The following UBAP2L variants were observed in gnomAD, a reference collection of about 807,000 sequenced individuals.
UBAP2L encodes ubiquitin-associated protein 2-like.
A neutral mutation model predicts 130.6 loss-of-function variants in UBAP2L; 12 were observed. That is an observed-to-expected ratio of 0.09 (90% CI 0.06 to 0.15). The LOEUF (loss-of-function observed/expected upper bound fraction) is 0.15. Among genes scored for constraint, UBAP2L ranks in the 10% least tolerant of loss-of-function variants. The probability of loss-of-function intolerance (pLI) is 1.00; values close to 1 mark genes in which losing one functional copy is unlikely to be tolerated. For synonymous variants in UBAP2L, 503 were observed against 524.7 expected (o/e 0.96, Z 0.57); for missense variants, 965 against 1,332.5 (o/e 0.72, Z 4.29).
At chr1:154,225,730 A>G (rs912899499) in intron 2 of UBAP2L, among the ~76,000 whole-genome samples, 3 of 152,166 alleles carry the variant, frequency 2.0e-5, no homozygotes, top group Non-Finnish European at 2.9e-5. Flanking sequence ...GCCCGGCTCT[A>G]TAACTCTTAA....
chr1:154,220,485 C>T, upstream of UBAP2L: 2 of 1,557,950 alleles, frequency 1.3e-6, no homozygotes, highest in South Asian at 1.1e-5. Flanking sequence ...GCCGAAGCGA[C>T]GGCGCCTGGG....
chr1:154,220,422 G>A (rs1665501085), upstream of UBAP2L: 1 of 1,614,176 alleles, frequency 6.2e-7, no homozygotes, highest in Middle Eastern at 1.6e-4. Flanking sequence ...TCCCTACCTC[G>A]CGCAGAATTG....
chr1:154,250,984 C>A, intron 12 of UBAP2L, 57 bp from the exon 13 acceptor site: 1 of 1,544,354 alleles, frequency 6.5e-7, no homozygotes. Flanking sequence ...AGGACAATAG[C>A]ATTTCCTTGA....
chr1:154,259,143 G>A, intron 21 of UBAP2L, 113 bp downstream of exon 21: 3 of 924,432 alleles, frequency 3.2e-6, no homozygotes, highest in Non-Finnish European at 3.4e-6. Flanking sequence ...CATACACTCT[G>A]ATTTAAGGCA....
intron 9 of UBAP2L, chr1:154,241,881 A>G: frequency 2.0e-6 from 1 of 508,688 alleles, no homozygotes; most frequent in Non-Finnish European, 2.5e-6. Context: ...TTAGGCAGGT[A>G]GTGCATTGAG....
intron 11 of UBAP2L, among the ~76,000 whole-genome samples, chr1:154,248,848 C>T (rs1676542747): frequency 6.6e-6 from 1 of 152,068 alleles, no homozygotes; most frequent in African/African-American, 2.4e-5. Flanking sequence ...ATTCTCCAGT[C>T]AGCCAAATTT....
At chr1:154,230,500 A>G (rs762717600) in intron 4 of UBAP2L, among the ~76,000 whole-genome samples, 5 of 152,208 alleles carry the variant, frequency 3.3e-5, no homozygotes, top group Middle Eastern at 3.2e-3. Flanking sequence ...AATATTTACT[A>G]TCTGGCCAAT....
rs143132442 is a variant in UBAP2L at position 154,241,526 on chromosome 1, T to C, written c.717T>C (p.Thr239=). Residue 239 remains threonine, a synonymous_variant, in exon 9 of 27, where the codon ACT becomes ACC. Coordinates refer to ENST00000428931, the MANE Select transcript of UBAP2L (RefSeq NM_014847.4). ...CTTTATTCTCAGGTGCATGGAGGAC[T>C]GCAACAGAGGAGTGGGGGACTGAAG... is the stretch of plus-strand genomic sequence containing the variant. The part of the protein sequence containing the change: ...EPDDGTSAWR[T]ATEEWGTEDW... 6.2e-7 allele frequency: 1 copy of C among 1,614,090 alleles called. No individual in the cohort carries two copies. The highest frequency in any genetic ancestry group is 8.5e-7 in the Non-Finnish European group (1 of 1,179,978).
chr1:154,249,899 A>G (rs1027402746), intron 12 of UBAP2L, among the ~76,000 whole-genome samples: 3 of 151,314 alleles, frequency 2.0e-5, no homozygotes, highest in Admixed American at 6.6e-5. Context: ...TTTTAACCAT[A>G]TACATAGTTG....
At chr1:154,263,001 C>G (rs982814677) in intron 24 of UBAP2L, 42 of 1,139,810 alleles carry the variant, frequency 3.7e-5, no homozygotes, top group East Asian at 8.5e-5. Context: ...CTTCAGAATT[C>G]AGAAACGTAT....
At chr1:154,248,011 A>G (rs1229240968) in intron 11 of UBAP2L, among the ~76,000 whole-genome samples, 1 of 149,024 alleles carries the variant, frequency 6.7e-6, no homozygotes, top group Non-Finnish European at 1.5e-5. Context: ...CTTGTTGCCT[A>G]GGCTGGAGTG....
chr1:154,270,878 T>C (rs1301864020), downstream of UBAP2L: 4 of 1,544,844 alleles, frequency 2.6e-6, no homozygotes, highest in South Asian at 4.8e-5. Flanking sequence ...TTGCTCCGTC[T>C]AGGACATCCT....
At chr1:154,231,410 C>A (rs1008709765) in intron 4 of UBAP2L, among the ~76,000 whole-genome samples, 1 of 151,242 alleles carries the variant, frequency 6.6e-6, no homozygotes. Context: ...AAGCGTTTTT[C>A]CCACCTCAGC....
chr1:154,266,397 T>G (rs1683242287), intron 24 of UBAP2L, 104 bp from the exon 25 acceptor site: 1 of 1,252,708 alleles, frequency 8.0e-7, no homozygotes, highest in South Asian at 1.2e-5. Context: ...CAAAATTCCC[T>G]TGCATTGGTA....
intron 10 of UBAP2L, 45 bp from the exon 11 acceptor site, chr1:154,246,159 C>T (rs768336625): frequency 1.8e-5 from 27 of 1,536,832 alleles, no homozygotes; most frequent in South Asian, 3.5e-5. Flanking sequence ...GGAATGTTAG[C>T]GTGTTCAGTC....
At chr1:154,265,577 C>G (rs969322225) in intron 24 of UBAP2L, among the ~76,000 whole-genome samples, 1 of 152,052 alleles carries the variant, frequency 6.6e-6, no homozygotes, top group Non-Finnish European at 1.5e-5. Context: ...CTTTTCCTAT[C>G]TTCTTGACCC....
At chr1:154,246,980 G>T (rs767338518) in intron 11 of UBAP2L, among the ~76,000 whole-genome samples, 84 of 152,292 alleles carry the variant, frequency 5.5e-4, no homozygotes, top group African/African-American at 2.0e-3. Flanking sequence ...TGTTGACTCA[G>T]AGCATTTAAA....
Position 154,270,484 on chromosome 1 carries a change from A to G in UBAP2L, c.*189A>G. ...ATCCCCACCCTGTTGTATGTATTATAGGATTTGTATTTTCTCCTTTTTTTT... is the reference window on the plus strand; with the variant it reads ...ATCCCCACCCTGTTGTATGTATTATGGGATTTGTATTTTCTCCTTTTTTTT... On this transcript the variant is annotated 3_prime_UTR_variant, in exon 27 of 27. Transcript: ENST00000428931. The G allele has an allele frequency of 6.8e-7, 1 of 1,475,660 alleles. No homozygotes were observed. The highest frequency in any genetic ancestry group is 1.3e-5 in the South Asian group (1 of 75,126). The allele number at this position is 1,475,660 out of a possible 1,614,324, so 91.4% of individuals were successfully genotyped here.
chr1:154,231,143 G>A (rs1669706713), intron 4 of UBAP2L, among the ~76,000 whole-genome samples: 1 of 152,044 alleles, frequency 6.6e-6, no homozygotes, highest in African/African-American at 2.4e-5. Context: ...TAAAACAAAT[G>A]AATTAAGAGA....
Sources: allele counts gnomAD v4.1 joint callset (sites outside exome capture counted in the v4.1 genomes callset), GRCh38; gene constraint gnomAD v4.1.1; transcripts MANE v1.5; gene names NCBI Gene and HGNC (gene_info 2026-07-23, HGNC 2026-07-21).